The following LDLRAD3 variants were observed in gnomAD, a reference collection of about 807,000 sequenced individuals.
The protein encoded by LDLRAD3 is low-density lipoprotein receptor class A domain-containing protein 3.
LDLRAD3 carries 20 observed loss-of-function variants against 29.4 expected under a neutral mutation model. That is an observed-to-expected ratio of 0.68 (90% confidence interval 0.48 to 0.99). The LOEUF (loss-of-function observed/expected upper bound fraction) is 0.99. LDLRAD3 is among the 50% of genes least tolerant of loss of function. The pLI is 0.00. For synonymous variants in LDLRAD3, 157 were observed against 192.7 expected, an observed-to-expected ratio of 0.81 and a Z score of 1.53; for missense variants, 420 against 454.3, an observed-to-expected ratio of 0.92 and a Z score of 0.69.
In LDLRAD3 at chr11:36,229,640, T is replaced by TC; in HGVS notation, c.*244dup. On this transcript the variant is annotated 3_prime_UTR_variant, in exon 6 of 6. Coordinates refer to ENST00000315571, the MANE Select transcript of LDLRAD3 (RefSeq NM_174902.4). ...GTCACTCTTCCCTTGGGACCCGAGA[T>TC]CACACCCTCATTTTTCACATTATTC... 3 of 480,252 alleles carry TC rather than the reference T, an allele frequency of 6.2e-6. No individual in the cohort carries two copies. The highest frequency in any genetic ancestry group is 1.1e-5 in the Non-Finnish European group (3 of 270,554). The allele number at this position is 480,252 out of a possible 1,614,324, so 29.7% of individuals were successfully genotyped here. A position where few individuals can be genotyped will look rare whatever the true frequency, so the allele number is the denominator to read the frequency against.
intron 4 of LDLRAD3, among the ~76,000 whole-genome samples, chr11:36,128,433 A>G (rs1185036427): frequency 6.6e-6 from 1 of 152,138 alleles, no homozygotes; most frequent in Non-Finnish European, 1.5e-5. Context: ...ACTCGTGGGT[A>G]GAGATGCCAG....
At chr11:36,095,303 C>A in intron 3 of LDLRAD3, among the ~76,000 whole-genome samples, 1 of 152,206 alleles carries the variant, frequency 6.6e-6, no homozygotes, top group East Asian at 1.9e-4. Flanking sequence ...GTGGACGTAC[C>A]AATTTGCACC....
intron 4 of LDLRAD3, among the ~76,000 whole-genome samples, chr11:36,185,531 T>G (rs1854835313): frequency 6.6e-6 from 1 of 152,178 alleles, no homozygotes; most frequent in Non-Finnish European, 1.5e-5. Flanking sequence ...TGTTCACCAC[T>G]GAGACTGATA....
At chr11:36,109,592 A>T (rs536840370) in intron 4 of LDLRAD3, among the ~76,000 whole-genome samples, 2 of 152,302 alleles carry the variant, frequency 1.3e-5, no homozygotes, top group East Asian at 3.9e-4. Flanking sequence ...AAAAGAGCTT[A>T]TACTTTTGGA....
intron 1 of LDLRAD3, among the ~76,000 whole-genome samples, chr11:35,947,647 C>T (rs1041691412): frequency 6.6e-6 from 1 of 152,190 alleles, no homozygotes. Flanking sequence ...CCCATTGAAA[C>T]TTGCCAAGGA....
At chr11:36,227,039 A>C in intron 4 of LDLRAD3, 46 bp from the exon 5 acceptor site, 2 of 1,426,514 alleles carry the variant, frequency 1.4e-6, no homozygotes, top group Non-Finnish European at 1.9e-6. Context: ...AAGATTAGCC[A>C]AACTGGTAAC....
At chr11:36,162,409 C>T (rs558011657) in intron 4 of LDLRAD3, among the ~76,000 whole-genome samples, 1 of 152,316 alleles carries the variant, frequency 6.6e-6, no homozygotes, top group African/African-American at 2.4e-5. Context: ...TGTCTGAGAA[C>T]ATGTCTTGGC....
At chr11:36,145,124 G>T (rs1324328644) in intron 4 of LDLRAD3, among the ~76,000 whole-genome samples, 1 of 108,206 alleles carries the variant, frequency 9.2e-6, no homozygotes, top group Admixed American at 8.3e-5. Flanking sequence ...TCAGCCCCCC[G>T]CCCGGCCAGC....
chr11:35,995,941 T>C (rs1235350921), intron 1 of LDLRAD3, among the ~76,000 whole-genome samples: 1 of 152,262 alleles, frequency 6.6e-6, no homozygotes, highest in Non-Finnish European at 1.5e-5. Context: ...AAGGGAATGC[T>C]ATGGCTGGTT....
At chr11:36,105,152 G>A (rs1157724757) in intron 4 of LDLRAD3, among the ~76,000 whole-genome samples, 2 of 151,410 alleles carry the variant, frequency 1.3e-5, no homozygotes, top group Admixed American at 1.3e-4. Flanking sequence ...GTGAGATTTG[G>A]CACCTCACTG....
At chr11:36,145,204 T>TG (rs1162996576) in intron 4 of LDLRAD3, among the ~76,000 whole-genome samples, 17 of 40,158 alleles carry the variant, frequency 4.2e-4, no homozygotes, top group African/African-American at 9.9e-4. Flanking sequence ...GGGAGGGAGG[T>TG]GGGGGGGTCA....
intron 3 of LDLRAD3, among the ~76,000 whole-genome samples, chr11:36,097,998 T>A (rs1853387940): frequency 6.6e-6 from 1 of 152,208 alleles, no homozygotes; most frequent in Non-Finnish European, 1.5e-5. Flanking sequence ...CCAAAAAAGG[T>A]AAATGTTGAT....
intron 2 of LDLRAD3, among the ~76,000 whole-genome samples, chr11:36,052,742 T>G (rs556082241): frequency 1.3e-5 from 2 of 152,334 alleles, no homozygotes; most frequent in Admixed American, 1.3e-4. Flanking sequence ...TTAACAGGTA[T>G]TAACAATGCT....
intron 1 of LDLRAD3, among the ~76,000 whole-genome samples, chr11:35,962,781 A>C (rs945596377): frequency 2.0e-5 from 3 of 152,216 alleles, no homozygotes; most frequent in African/African-American, 7.2e-5. Context: ...CTATTTGCAT[A>C]CATAGGACAC....
intron 1 of LDLRAD3, among the ~76,000 whole-genome samples, chr11:36,033,267 G>T (rs1239711660): frequency 1.3e-5 from 2 of 152,202 alleles, no homozygotes; most frequent in Non-Finnish European, 2.9e-5. Context: ...AGAGCAAAAA[G>T]CATGTGCCTC....
intron 1 of LDLRAD3, among the ~76,000 whole-genome samples, chr11:35,954,115 C>T (rs1294223089): frequency 6.6e-6 from 1 of 151,948 alleles, no homozygotes; most frequent in Non-Finnish European, 1.5e-5. Flanking sequence ...TTTAGCATAC[C>T]CAGAGTTCAT....
intron 4 of LDLRAD3, among the ~76,000 whole-genome samples, chr11:36,202,329 C>T (rs1285851650): frequency 2.6e-5 from 4 of 152,134 alleles, no homozygotes; most frequent in Non-Finnish European, 4.4e-5. Context: ...TGAGCCACTG[C>T]GCCTGGCAGG....
intron 1 of LDLRAD3, among the ~76,000 whole-genome samples, chr11:36,028,849 T>G (rs993160360): frequency 6.6e-6 from 1 of 152,194 alleles, no homozygotes; most frequent in African/African-American, 2.4e-5. Flanking sequence ...TGCAGACTTG[T>G]TCTAGCTGTG....
At chr11:36,188,440 T>G (rs1854889747) in intron 4 of LDLRAD3, among the ~76,000 whole-genome samples, 1 of 147,388 alleles carries the variant, frequency 6.8e-6, no homozygotes. Flanking sequence ...TATGACTGGA[T>G]TAGTGAACTC....
Sources: gnomAD v4.1 joint callset for allele counts (sites outside exome capture counted in the v4.1 genomes callset) on GRCh38, gnomAD v4.1.1 for gene constraint, MANE v1.5 for transcripts, NCBI Gene and HGNC (gene_info 2026-07-23, HGNC 2026-07-21) for gene names.